Variants in PRKCE observed in about 807,000 individuals in gnomAD.
PRKCE encodes protein kinase C epsilon.
Under a neutral mutation model 85.4 loss-of-function variants are expected in PRKCE, and 16 were observed. The ratio of observed to expected loss-of-function variants is 0.19; its 90% CI spans 0.13 to 0.28. The LOEUF (loss-of-function observed/expected upper bound fraction) is 0.28. PRKCE is among the 10% of genes least tolerant of loss of function. PRKCE has a pLI of 1.00. For missense variants in PRKCE, 573 were observed against 975.2 expected, an observed-to-expected ratio of 0.59 and a Z score of 5.49; for synonymous variants, 388 against 371.5, an observed-to-expected ratio of 1.04 and a Z score of -0.51.
intron 1 of PRKCE, among the ~76,000 whole-genome samples, chr2:45,773,336 A>G (rs1449216335): frequency 6.6e-6 from 1 of 152,140 alleles, no homozygotes; most frequent in Non-Finnish European, 1.5e-5. Context: ...AGTGGAGATG[A>G]TGATGGCCGA....
At chr2:46,182,211 G>A (rs999506455) in intron 14 of PRKCE, among the ~76,000 whole-genome samples, 2 of 151,954 alleles carry the variant, frequency 1.3e-5, no homozygotes, top group Non-Finnish European at 1.5e-5. Flanking sequence ...GACTCACTTC[G>A]CCAGGCACAG....
intron 10 of PRKCE, among the ~76,000 whole-genome samples, chr2:46,062,024 G>A (rs1456377585): frequency 2.6e-5 from 4 of 151,598 alleles, no homozygotes; most frequent in Admixed American, 6.6e-5. Context: ...CACCACGCCC[G>A]GCTAATTTTG....
intron 1 of PRKCE, among the ~76,000 whole-genome samples, chr2:45,664,405 C>A (rs1675817836): frequency 1.3e-5 from 2 of 152,180 alleles, no homozygotes; most frequent in Non-Finnish European, 2.9e-5. Context: ...CAATGGTTAA[C>A]TACTTATTAT....
chr2:45,717,718 G>A (rs564374308), intron 1 of PRKCE, among the ~76,000 whole-genome samples: 2 of 152,306 alleles, frequency 1.3e-5, no homozygotes, highest in South Asian at 4.1e-4. Context: ...CTGTTTTGGG[G>A]ACTCCTGAGG....
At chr2:45,879,077 C>A (rs1057170047) in intron 2 of PRKCE, among the ~76,000 whole-genome samples, 1 of 152,228 alleles carries the variant, frequency 6.6e-6, no homozygotes, top group Non-Finnish European at 1.5e-5. Flanking sequence ...TTTTCCCACT[C>A]GAATGTTGCC....
chr2:45,864,176 C>T (rs1313296851), intron 2 of PRKCE, among the ~76,000 whole-genome samples: 1 of 152,180 alleles, frequency 6.6e-6, no homozygotes, highest in Non-Finnish European at 1.5e-5. Flanking sequence ...TGGCTGCTCC[C>T]CACAGCAGAA....
chr2:46,092,530 C>T (rs1670269852), intron 11 of PRKCE, among the ~76,000 whole-genome samples: 1 of 152,138 alleles, frequency 6.6e-6, no homozygotes, highest in African/African-American at 2.4e-5. Context: ...CCTTGTTGAC[C>T]ATGATGTTTA....
At chr2:45,676,650 G>T (rs1362141336) in intron 1 of PRKCE, 29 of 152,262 alleles carry the variant, frequency 1.9e-4, no homozygotes, top group Admixed American at 1.9e-3. Context: ...GTGATGAAAG[G>T]TTGTGATAAT....
intron 6 of PRKCE, among the ~76,000 whole-genome samples, chr2:45,998,961 A>G (rs1704445638): frequency 6.6e-6 from 1 of 152,148 alleles, no homozygotes; most frequent in Non-Finnish European, 1.5e-5. Flanking sequence ...TATAATAACA[A>G]AATTATCCTA....
chr2:45,913,314 A>T (rs1447579301), intron 2 of PRKCE, among the ~76,000 whole-genome samples: 2 of 152,132 alleles, frequency 1.3e-5, no homozygotes, highest in East Asian at 1.9e-4. Context: ...TGCCAGACTA[A>T]TTTTTGTATC....
At chr2:45,986,347 A>T (rs1703321522) in intron 6 of PRKCE, among the ~76,000 whole-genome samples, 1 of 152,196 alleles carries the variant, frequency 6.6e-6, no homozygotes, top group Non-Finnish European at 1.5e-5. Flanking sequence ...AGTCAGGAAA[A>T]AGACAGTGGC....
chr2:45,832,763 C>G (rs1690540776), intron 1 of PRKCE, among the ~76,000 whole-genome samples: 1 of 152,134 alleles, frequency 6.6e-6, no homozygotes, highest in Admixed American at 6.5e-5. Context: ...ACTTGGAGAA[C>G]CCGGCTTTAA....
chr2:46,101,779 ACT>A (rs996557034), intron 11 of PRKCE, among the ~76,000 whole-genome samples: 3 of 150,210 alleles, frequency 2.0e-5, no homozygotes, highest in African/African-American at 7.4e-5. Context: ...GTCCGAGGAC[ACT>A]CGGTCTCATA....
intron 11 of PRKCE, among the ~76,000 whole-genome samples, chr2:46,087,491 C>A (rs1271839160): frequency 1.3e-5 from 2 of 152,170 alleles, no homozygotes; most frequent in African/African-American, 4.8e-5. Context: ...TCTGGTCAAC[C>A]CCACTCCAGG....
intron 1 of PRKCE, among the ~76,000 whole-genome samples, chr2:45,743,340 T>C (rs547496525): frequency 6.6e-6 from 1 of 152,278 alleles, no homozygotes; most frequent in South Asian, 2.1e-4. Context: ...CAATGTGCAC[T>C]TATATCAAAA....
chr2:45,773,792 C>G (rs909938018), intron 1 of PRKCE, among the ~76,000 whole-genome samples: 14 of 152,292 alleles, frequency 9.2e-5, no homozygotes, highest in Non-Finnish European at 1.5e-4. Flanking sequence ...CCTCCTTCCT[C>G]CCCTGGCCAT....
intron 2 of PRKCE, among the ~76,000 whole-genome samples, chr2:45,877,898 CA>C (rs1694596344): frequency 6.6e-6 from 1 of 152,202 alleles, no homozygotes; most frequent in South Asian, 2.1e-4. Context: ...CTCAAAATAT[CA>C]AAGAACAGGA....
At chr2:45,843,180 C>T in intron 2 of PRKCE, 117 bp downstream of exon 2, 1 of 914,734 alleles carries the variant, frequency 1.1e-6, no homozygotes. Context: ...AATTGGCATC[C>T]TTTAAAGGAA....
intron 1 of PRKCE, among the ~76,000 whole-genome samples, chr2:45,824,061 T>C (rs1459595139): frequency 6.6e-6 from 1 of 152,206 alleles, no homozygotes; most frequent in Non-Finnish European, 1.5e-5. Context: ...CCATCCTGTG[T>C]AGTGCTGACT....
Sources: allele counts gnomAD v4.1 joint callset (sites outside exome capture counted in the v4.1 genomes callset), GRCh38; gene constraint gnomAD v4.1.1; transcripts MANE v1.5; gene names NCBI Gene and HGNC (gene_info 2026-07-23, HGNC 2026-07-21).